Variants in CNTNAP2 observed in about 807,000 individuals in gnomAD.
CNTNAP2 encodes contactin associated protein 2.
A neutral mutation model predicts 155.2 loss-of-function variants in CNTNAP2; 98 were observed. The observed-to-expected ratio is 0.63, with a 90% CI of 0.54 to 0.75. CNTNAP2 has a LOEUF of 0.75. CNTNAP2 is among the 30% of genes least tolerant of loss of function. CNTNAP2 has a pLI of 0.00. For synonymous variants in CNTNAP2, 651 were observed against 631.2 expected (o/e 1.03, Z -0.47); for missense variants, 1,727 against 1,688.1 (o/e 1.02, Z -0.40).
intron 13 of CNTNAP2, among the ~76,000 whole-genome samples, chr7:147,675,546 C>T (rs1182382659): frequency 6.6e-6 from 1 of 152,158 alleles, no homozygotes; most frequent in African/African-American, 2.4e-5. Context: ...CTTTCTCCAC[C>T]TTGTTTTAAA....
chr7:146,970,465 C>A (rs1053306093), intron 3 of CNTNAP2, among the ~76,000 whole-genome samples: 1 of 152,214 alleles, frequency 6.6e-6, no homozygotes, highest in African/African-American at 2.4e-5. Context: ...AAAAAATGCT[C>A]ACCATCACTG....
intron 23 of CNTNAP2, among the ~76,000 whole-genome samples, chr7:148,409,804 C>CTACTCGGAATACTG (rs1342245894): frequency 1.0e-5 from 1 of 97,430 alleles, no homozygotes; most frequent in Non-Finnish European, 2.2e-5. Context: ...GTAATCCCAG[C>CTACTCGGAATACTG]ACTTTGGGAG....
chr7:146,627,163 A>G (rs1799434012), intron 1 of CNTNAP2, among the ~76,000 whole-genome samples: 1 of 152,108 alleles, frequency 6.6e-6, no homozygotes, highest in African/African-American at 2.4e-5. Context: ...GTTTTAAACC[A>G]TCAGATCTTG....
At chr7:148,383,993 T>C (rs1459139471) in intron 22 of CNTNAP2, 105 bp downstream of exon 22, 10 of 1,478,878 alleles carry the variant, frequency 6.8e-6, no homozygotes, top group African/African-American at 1.4e-5. Flanking sequence ...GTAATGTCAT[T>C]GGAGGATTAA....
At chr7:147,336,407 C>A (rs1795665689) in intron 9 of CNTNAP2, among the ~76,000 whole-genome samples, 1 of 152,110 alleles carries the variant, frequency 6.6e-6, no homozygotes, top group South Asian at 2.1e-4. Context: ...TTAAGCACAG[C>A]TATATGCAAG....
intron 8 of CNTNAP2, among the ~76,000 whole-genome samples, chr7:147,211,607 G>A (rs929404250): frequency 6.6e-5 from 10 of 151,896 alleles, no homozygotes; most frequent in South Asian, 2.1e-4. Context: ...TAGACTAACC[G>A]TATGAGAAAC....
intron 16 of CNTNAP2, among the ~76,000 whole-genome samples, chr7:148,137,055 T>C (rs1405935580): frequency 6.6e-6 from 1 of 152,202 alleles, no homozygotes; most frequent in African/African-American, 2.4e-5. Flanking sequence ...TGCTGTGAAG[T>C]GATTTCTGTC....
intron 3 of CNTNAP2, among the ~76,000 whole-genome samples, chr7:146,895,692 G>A (rs1795863588): frequency 6.6e-6 from 1 of 152,032 alleles, no homozygotes; most frequent in African/African-American, 2.4e-5. Context: ...CAATTACATG[G>A]CACCATGGAC....
chr7:147,653,949 C>A (rs1795486978), intron 13 of CNTNAP2, among the ~76,000 whole-genome samples: 5 of 152,118 alleles, frequency 3.3e-5, no homozygotes, highest in African/African-American at 1.2e-4. Context: ...TTAAGAGGAT[C>A]AACATTATGA....
intron 1 of CNTNAP2, among the ~76,000 whole-genome samples, chr7:146,160,260 C>T (rs1429475585): frequency 6.6e-6 from 1 of 152,060 alleles, no homozygotes; most frequent in Non-Finnish European, 1.5e-5. Flanking sequence ...AAAATTGACA[C>T]CCTAACATCA....
chr7:148,235,853 T>C (rs1415623473), intron 20 of CNTNAP2, among the ~76,000 whole-genome samples: 1 of 152,016 alleles, frequency 6.6e-6, no homozygotes, highest in Non-Finnish European at 1.5e-5. Context: ...GCCCAGCTAA[T>C]TTTTTGTAAT....
intron 3 of CNTNAP2, among the ~76,000 whole-genome samples, chr7:146,954,948 T>C (rs10260724): frequency 0.029 from 4,444 of 151,916 alleles, 206 homozygotes; most frequent in African/African-American, 0.1. Flanking sequence ...CCAGCATCAA[T>C]AGAAAGAGAG....
intron 1 of CNTNAP2, among the ~76,000 whole-genome samples, chr7:146,162,137 G>A (rs1247277704): frequency 6.6e-6 from 1 of 152,128 alleles, no homozygotes; most frequent in African/African-American, 2.4e-5. Flanking sequence ...AAAAGCAATG[G>A]CAACAAAAGA....
At chr7:146,203,639 A>G (rs1236370568) in intron 1 of CNTNAP2, among the ~76,000 whole-genome samples, 1 of 151,938 alleles carries the variant, frequency 6.6e-6, no homozygotes, top group Admixed American at 6.6e-5. Context: ...GATCACCTTA[A>G]CCTTCATCCT....
At chr7:147,595,274 C>T (rs1174852679) in intron 12 of CNTNAP2, among the ~76,000 whole-genome samples, 1 of 152,172 alleles carries the variant, frequency 6.6e-6, no homozygotes, top group Non-Finnish European at 1.5e-5. Flanking sequence ...CTTTGTGACT[C>T]ATGTCTAGAT....
rs757076459 is a variant in CNTNAP2 at position 147,068,276 on chromosome 7, T to A, written c.550+24222T>A. Among the ~76,000 whole-genome samples the A allele has an allele frequency of 2.0e-5, 3 of 152,232 alleles. No individual in the cohort carries two copies. The East Asian group carries it at 5.8e-4, about 29-fold the overall frequency. On this transcript the variant is annotated intron_variant, in intron 4 of 23. Transcript: ENST00000361727. ...AAGGCTACCTTCTTGGGTTGGCCAA[T>A]CAAACATTAACTTAGGTGTTGTATG...
At chr7:147,404,852 A>G (rs1271893590) in intron 10 of CNTNAP2, among the ~76,000 whole-genome samples, 1 of 152,236 alleles carries the variant, frequency 6.6e-6, no homozygotes, top group Non-Finnish European at 1.5e-5. Context: ...AAGTGATTTC[A>G]AAGTGATTTT....
chr7:146,564,308 C>G (rs914379859), intron 1 of CNTNAP2, among the ~76,000 whole-genome samples: 1 of 152,008 alleles, frequency 6.6e-6, no homozygotes, highest in Non-Finnish European at 1.5e-5. Flanking sequence ...CTGTTCAACT[C>G]TGTACTCTCA....
At chr7:147,248,413 T>G (rs1234267105) in intron 8 of CNTNAP2, among the ~76,000 whole-genome samples, 1 of 152,156 alleles carries the variant, frequency 6.6e-6, no homozygotes, top group East Asian at 1.9e-4. Flanking sequence ...CTTCGCAGTC[T>G]TGGTTGAGTG....
Sources: allele counts gnomAD v4.1 joint callset (sites outside exome capture counted in the v4.1 genomes callset), GRCh38; gene constraint gnomAD v4.1.1; transcripts MANE v1.5; gene names NCBI Gene and HGNC (gene_info 2026-07-23, HGNC 2026-07-21).